Variants in HECW1 observed in about 807,000 individuals in gnomAD.
The protein encoded by HECW1 is E3 ubiquitin-protein ligase HECW1.
A neutral mutation model predicts 182.3 loss-of-function variants in HECW1; 61 were observed. The observed-to-expected ratio is 0.33, with a 90% CI of 0.27 to 0.41. The LOEUF (loss-of-function observed/expected upper bound fraction) is 0.41, where lower values mean the gene tolerates loss of function less well. Among genes scored for constraint, HECW1 ranks in the 10% least tolerant of loss-of-function variants. The pLI is 1.00. For synonymous variants in HECW1, 859 were observed against 832.6 expected (o/e 1.03, Z -0.55); for missense variants, 1,739 against 2,108.9 (o/e 0.82, Z 3.44).
At chr7:43,227,698 T>C (rs2152706935) in intron 2 of HECW1, among the ~76,000 whole-genome samples, 1 of 152,286 alleles carries the variant, frequency 6.6e-6, no homozygotes, top group South Asian at 2.1e-4. Context: ...TCTGAAATAA[T>C]GAATAGTCCA....
intron 3 of HECW1, among the ~76,000 whole-genome samples, chr7:43,306,841 CT>C (rs200721302): frequency 0.013 from 2,009 of 152,084 alleles, 21 homozygotes; most frequent in Middle Eastern, 0.024. Flanking sequence ...TGATTTTCTG[CT>C]TTTAAGATTC....
rs1173777149 is a variant in HECW1, at chr7:43,466,365, C to T, written c.2792-82C>T. On this transcript the variant is annotated intron_variant, in intron 14 of 29. Transcript: ENST00000395891. ...TGCTGTGTGGGTGAAGGCTTGTGTG[C>T]TGCCACTGTCAGGAGCGAAGTACAG... 4.2e-6 allele frequency: 6 copies of T among 1,426,924 alleles called. No homozygotes were observed. In the East Asian group the frequency reaches 1.4e-4, roughly 32 times the overall value. 88.4% of individuals were successfully genotyped at this position (1,426,924 alleles called of 1,614,324 possible).
chr7:43,269,047 T>C (rs576999828), intron 3 of HECW1, among the ~76,000 whole-genome samples: 1 of 152,296 alleles, frequency 6.6e-6, no homozygotes, highest in African/African-American at 2.4e-5. Flanking sequence ...CTCTCTCATG[T>C]CAGAGCTCAG....
intron 3 of HECW1, among the ~76,000 whole-genome samples, chr7:43,260,532 G>T (rs577308528): frequency 6.6e-6 from 1 of 152,346 alleles, no homozygotes; most frequent in South Asian, 2.1e-4. Flanking sequence ...CACTTCTGCT[G>T]TCATGAAGCA....
intron 3 of HECW1, among the ~76,000 whole-genome samples, chr7:43,280,329 G>A (rs560016009): frequency 7.2e-5 from 11 of 152,216 alleles, no homozygotes; most frequent in Middle Eastern, 3.4e-3. Context: ...GACCTTACCC[G>A]TCCAGTGTCA....
intron 2 of HECW1, among the ~76,000 whole-genome samples, chr7:43,209,532 C>T (rs1052878577): frequency 6.6e-6 from 1 of 152,198 alleles, no homozygotes; most frequent in African/African-American, 2.4e-5. Context: ...GCTTCTCTCT[C>T]TCTCCTGTCT....
chr7:43,241,627 T>C (rs915522254), intron 2 of HECW1: 1 of 145,686 alleles, frequency 6.9e-6, no homozygotes, highest in Non-Finnish European at 1.5e-5. Context: ...TGTGTGTGTG[T>C]GTGTGTGTGT....
At chr7:43,448,401 T>C (rs1322009469) in intron 11 of HECW1, among the ~76,000 whole-genome samples, 1 of 152,234 alleles carries the variant, frequency 6.6e-6, no homozygotes, top group East Asian at 1.9e-4. Flanking sequence ...GTCATTGTTA[T>C]GAGCTCAGGC....
intron 8 of HECW1, among the ~76,000 whole-genome samples, chr7:43,416,630 C>G (rs933873905): frequency 6.7e-6 from 1 of 149,340 alleles, no homozygotes; most frequent in African/African-American, 2.5e-5. Context: ...CCCCCAGCCT[C>G]GCTGCCGCCT....
At chr7:43,513,999 C>T (rs924026912) in intron 24 of HECW1, among the ~76,000 whole-genome samples, 1 of 152,212 alleles carries the variant, frequency 6.6e-6, no homozygotes, top group Non-Finnish European at 1.5e-5. Flanking sequence ...TCAATCAACA[C>T]TCTTCTTCCA....
intron 3 of HECW1, among the ~76,000 whole-genome samples, chr7:43,309,736 T>C (rs1296818268): frequency 1.3e-5 from 2 of 152,204 alleles, no homozygotes; most frequent in Non-Finnish European, 2.9e-5. Context: ...ACTTTGATTT[T>C]GTAAGAAAAC....
chr7:43,542,228 T>G (rs1309717198), intron 26 of HECW1, among the ~76,000 whole-genome samples: 1 of 152,190 alleles, frequency 6.6e-6, no homozygotes, highest in African/African-American at 2.4e-5. Flanking sequence ...CAACTACCAT[T>G]CTATTTTCTG....
At chr7:43,436,975 C>T (rs2152871046) in intron 8 of HECW1, among the ~76,000 whole-genome samples, 1 of 152,340 alleles carries the variant, frequency 6.6e-6, no homozygotes, top group African/African-American at 2.4e-5. Flanking sequence ...AGCAATTCTC[C>T]TGCCTCAGTC....
In HECW1 at chr7:43,382,584, G is replaced by T. The variant is rs142254190; in HGVS notation, c.556-14230G>T. ...AACGAGTTACTGCCTATAAGCAGGA[G>T]CTTAATCCCTCATTCAAGATGTCTC... On this transcript the variant is annotated intron_variant, in intron 6 of 29. Coordinates refer to ENST00000395891, the MANE Select transcript of HECW1 (RefSeq NM_015052.5). 1.9e-4 allele frequency among the ~76,000 whole-genome samples: 29 copies of T among 152,306 alleles called. No homozygotes were observed. In the East Asian group the frequency reaches 5.2e-3, roughly 27 times the overall value.
rs951410798 is a variant in HECW1 at position 43,564,631 on chromosome 7, T to A, written c.*2705T>A. On this transcript the variant is annotated 3_prime_UTR_variant, in exon 30 of 30. Transcript: ENST00000395891. The stretch of plus-strand genomic sequence containing the variant: ...GTCACCTGAAAGAAGATGAAGCTTG[T>A]AATATTTTATTGCAACCTTGCATAG... 1.1e-5 allele frequency: 2 copies of A among 181,628 alleles called. No individual in the cohort carries two copies. The highest frequency in any genetic ancestry group is 2.4e-5 in the Non-Finnish European group (2 of 85,100). The allele number at this position is 181,628 out of a possible 1,614,324, so 11.3% of individuals were successfully genotyped here.
intron 2 of HECW1, among the ~76,000 whole-genome samples, chr7:43,215,493 T>G (rs1796365535): frequency 6.6e-6 from 1 of 152,254 alleles, no homozygotes; most frequent in Admixed American, 6.5e-5. Context: ...AGTATGTAAT[T>G]GCAATTTAAA....
At chr7:43,213,659 A>C (rs1796196721) in intron 2 of HECW1, among the ~76,000 whole-genome samples, 1 of 151,820 alleles carries the variant, frequency 6.6e-6, no homozygotes, top group East Asian at 1.9e-4. Context: ...GTTAGCCAGG[A>C]TGGTCTCGAT....
chr7:43,243,914 G>C lies in HECW1; in HGVS notation c.9G>C (p.Leu3=). The change falls in exon 3 of 30, where the codon CTG becomes CTC. Residue 3 remains leucine (L), a synonymous_variant. Coordinates refer to ENST00000395891, the MANE Select transcript of HECW1 (RefSeq NM_015052.5). This position sits in a 1 kb window ranked among gnomAD's most constrained non-coding sequence, Gnocchi z 4.0. ...ACACGTGGTGGGTCATTATGCTGCT[G>C]CACCTGTGTAGTGTGAAGGTCAGTG... is the stretch of plus-strand genomic sequence containing the variant. ML[L]HLCSVKNLYQ... The C allele has an allele frequency of 2.5e-6, 4 of 1,613,016 alleles. No homozygotes were observed. The highest frequency in any genetic ancestry group is 3.4e-6 in the Non-Finnish European group (4 of 1,179,024).
intron 3 of HECW1, among the ~76,000 whole-genome samples, chr7:43,278,035 G>A (rs1209446768): frequency 6.6e-6 from 1 of 151,976 alleles, no homozygotes; most frequent in African/African-American, 2.4e-5. Context: ...ACCCTTCCTG[G>A]TGGTCGCATC....
Sources: gnomAD v4.1 joint callset for allele counts (sites outside exome capture counted in the v4.1 genomes callset) on GRCh38, gnomAD v4.1.1 for gene constraint, Gnocchi (gnomAD v3.1) non-coding constraint, MANE v1.5 for transcripts, NCBI Gene and HGNC (gene_info 2026-07-23, HGNC 2026-07-21) for gene names.